Variants in GLMN observed in about 807,000 individuals in gnomAD.
The protein encoded by GLMN is glomulin.
GLMN carries 75 observed loss-of-function variants against 87.8 expected under a neutral mutation model. The ratio of observed to expected loss-of-function variants is 0.85; its 90% CI spans 0.71 to 1.04. The LOEUF is 1.04. Ranked by LOEUF, GLMN falls within the 50% of genes least tolerant of loss-of-function variation. The probability of loss-of-function intolerance (pLI) is 0.00; values close to 1 mark genes in which losing one functional copy is unlikely to be tolerated. For synonymous variants in GLMN, 206 were observed against 221.6 expected (o/e 0.93, Z 0.63); for missense variants, 588 against 658.8 (o/e 0.89, Z 1.18).
intron 7 of GLMN, among the ~76,000 whole-genome samples, chr1:92,273,000 C>A (rs1054398098): frequency 3.9e-5 from 6 of 152,126 alleles, no homozygotes; most frequent in Non-Finnish European, 8.8e-5. Flanking sequence ...GTTAAAGTCA[C>A]AACAAACTAC....
intron 13 of GLMN, among the ~76,000 whole-genome samples, chr1:92,265,444 C>T (rs1332669647): frequency 6.6e-6 from 1 of 152,018 alleles, no homozygotes; most frequent in Non-Finnish European, 1.5e-5. Context: ...ATTTCATAAA[C>T]TTGCTCTTAC....
At chr1:92,314,080 G>A in the GLMN span, among the ~76,000 whole-genome samples, 1 of 152,144 alleles carries the variant, frequency 6.6e-6, no homozygotes, top group East Asian at 1.9e-4. Flanking sequence ...CCAGCAATAA[G>A]GCTGTTTTGC....
intron 16 of GLMN, among the ~76,000 whole-genome samples, chr1:92,255,362 TAAC>T (rs965383805): frequency 4.6e-5 from 7 of 152,124 alleles, no homozygotes; most frequent in South Asian, 4.2e-4. Context: ...GACAGAAAAT[TAAC>T]AACGATATTC....
Position 92,295,534 on chromosome 1 carries a change from T to C in GLMN, c.165+1870A>G, listed in dbSNP as rs111250441. Reference sequence around the variant, plus strand: ...TTTCCCTCTACTTAGGTTGCCTTTTTCTGTTTGATATCATATGTTATCCTT... The same window carrying C: ...TTTCCCTCTACTTAGGTTGCCTTTTCCTGTTTGATATCATATGTTATCCTT... On this transcript the variant is annotated intron_variant, in intron 3 of 18. Transcript: ENST00000370360. 2.7e-3 allele frequency among the ~76,000 whole-genome samples: 411 copies of C among 152,282 alleles called. 1 individual carries two copies. Among genetic ancestry groups the C allele is most frequent in the African/African-American group, 8.9e-3 (369 of 41,552 alleles).
intron 1 of GLMN, 111 bp downstream of exon 1, chr1:92,298,814 G>A (rs1353909367): frequency 1.1e-5 from 4 of 374,700 alleles, no homozygotes; most frequent in African/African-American, 2.1e-5. Context: ...GCCTAGGTGG[G>A]CAGGCTCCAC....
At chr1:92,339,129 T>C in the GLMN span, among the ~76,000 whole-genome samples, 8 of 152,310 alleles carry the variant, frequency 5.3e-5, no homozygotes, top group South Asian at 1.7e-3. Context: ...AATATTTTTC[T>C]ATAGATCTAA....
rs573549110 is a variant in GLMN, at chr1:92,263,628, T to C, written c.1404A>G (p.Ser468=). ...TTTGGTAATGGTCACCTCACCTATC[T>C]GAGTTTTGCAGTAAATCTGTTTCTG... ...EGAETDLLQN[S]DRIMASLNLL... Residue 468 remains serine (S), a synonymous_variant, in exon 15 of 19, where the codon TCA becomes TCG. Coordinates refer to ENST00000370360, the MANE Select transcript of GLMN (RefSeq NM_053274.3). 16 of 1,405,008 alleles carry C rather than the reference T, an allele frequency of 1.1e-5. No individual in the cohort carries two copies. The South Asian group carries it at 1.6e-4, about 14-fold the overall frequency. 87.0% of individuals were successfully genotyped at this position (1,405,008 alleles called of 1,614,324 possible).
At chr1:92,270,995 G>A (rs1352563061) in intron 8 of GLMN, among the ~76,000 whole-genome samples, 3 of 151,936 alleles carry the variant, frequency 2.0e-5, no homozygotes, top group African/African-American at 7.3e-5. Context: ...AAGGCATTAA[G>A]ACTTTATTCT....
chr1:92,349,149 G>C, the GLMN span, among the ~76,000 whole-genome samples: 1 of 152,072 alleles, frequency 6.6e-6, no homozygotes, highest in Non-Finnish European at 1.5e-5. Context: ...ATTTCCAATG[G>C]AATTTTTAAG....
intron 7 of GLMN, among the ~76,000 whole-genome samples, chr1:92,283,315 A>AATCGTTTAT (rs1190156772): frequency 6.6e-6 from 1 of 152,206 alleles, no homozygotes; most frequent in Non-Finnish European, 1.5e-5. Flanking sequence ...CCGGTTCAAC[A>AATCGTTTAT]TATGCAAATC....
chr1:92,303,130 C>A (rs1557587018), upstream of GLMN, among the ~76,000 whole-genome samples: 3 of 152,064 alleles, frequency 2.0e-5, no homozygotes, highest in Admixed American at 6.5e-5. Context: ...CTTAAGAGGG[C>A]AAATTAAAAC....
At position 92,281,776 on chromosome 1, in the gene GLMN, T is replaced by C. The variant is rs1419721638; in HGVS notation, c.735+4714A>G. 2.0e-5 allele frequency among the ~76,000 whole-genome samples: 3 copies of C among 150,624 alleles called. No individual in the cohort carries two copies. In the East Asian group the frequency reaches 5.8e-4, roughly 29 times the overall value. ...CTCAAAATAAAGGGGTGGAGAAAGA[T>C]CTACCAAGCAAATGGAAAGCAAAAA... On this transcript the variant is annotated intron_variant, in intron 7 of 18. Coordinates refer to ENST00000370360, the MANE Select transcript of GLMN (RefSeq NM_053274.3).
chr1:92,282,443 T>A (rs980739200), intron 7 of GLMN, among the ~76,000 whole-genome samples: 2 of 152,044 alleles, frequency 1.3e-5, no homozygotes, highest in Non-Finnish European at 2.9e-5. Flanking sequence ...AAAGACACAA[T>A]ATACCAGAAT....
At chr1:92,330,164 C>T in the GLMN span, among the ~76,000 whole-genome samples, 85 of 152,288 alleles carry the variant, frequency 5.6e-4, 1 homozygote, top group African/African-American at 1.9e-3. Flanking sequence ...CAAGGAAGCC[C>T]ATTGATGCAG....
intron 16 of GLMN, among the ~76,000 whole-genome samples, chr1:92,256,980 T>A (rs546497083): frequency 1.9e-3 from 292 of 152,326 alleles, no homozygotes; most frequent in Non-Finnish European, 2.1e-3. Flanking sequence ...TGTTTGCAGA[T>A]AACGTGATTG....
intron 14 of GLMN, among the ~76,000 whole-genome samples, chr1:92,264,199 A>G (rs1416173794): frequency 1.3e-5 from 2 of 151,990 alleles, no homozygotes; most frequent in Non-Finnish European, 1.5e-5. Context: ...TGTAGTCCCA[A>G]TTACTCGGGA....
the GLMN span, among the ~76,000 whole-genome samples, chr1:92,316,790 A>T: frequency 6.6e-6 from 1 of 152,228 alleles, no homozygotes; most frequent in Non-Finnish European, 1.5e-5. Flanking sequence ...AAGAAAGAGC[A>T]ATGTAACTTG....
At chr1:92,331,849 CTT>C in the GLMN span, among the ~76,000 whole-genome samples, 2 of 151,966 alleles carry the variant, frequency 1.3e-5, no homozygotes, top group Non-Finnish European at 2.9e-5. Flanking sequence ...CTCAGTTTTT[CTT>C]TGTCAGAAAA....
the GLMN span, among the ~76,000 whole-genome samples, chr1:92,352,008 T>G: frequency 6.6e-6 from 1 of 152,172 alleles, no homozygotes; most frequent in African/African-American, 2.4e-5. Flanking sequence ...ATGAGTACTT[T>G]GTATTACTCA....
Sources: gnomAD v4.1 joint callset for allele counts (sites outside exome capture counted in the v4.1 genomes callset) on GRCh38, gnomAD v4.1.1 for gene constraint, MANE v1.5 for transcripts, NCBI Gene and HGNC (gene_info 2026-07-23, HGNC 2026-07-21) for gene names.